Variants in CHL1 observed in about 807,000 individuals in gnomAD.
The protein encoded by CHL1 is cell adhesion molecule L1 like, also known as neural cell adhesion molecule L1-like protein.
CHL1 carries 96 observed loss-of-function variants against 141.9 expected under a neutral mutation model. That is an observed-to-expected ratio of 0.68 (90% CI 0.57 to 0.80). The LOEUF is 0.80. Ranked by LOEUF, CHL1 falls within the 30% of genes least tolerant of loss-of-function variation. CHL1 has a pLI of 0.00. For missense variants in CHL1, 1,820 were observed against 1,457.2 expected (o/e 1.25, Z -4.05); for synonymous variants, 613 against 502.2 (o/e 1.22, Z -2.95).
intron 1 of CHL1, among the ~76,000 whole-genome samples, chr3:232,266 C>T (rs752017165): frequency 3.3e-5 from 5 of 152,070 alleles, no homozygotes; most frequent in East Asian, 1.9e-4. Context: ...TTTTGTATAT[C>T]GGTGTGTTTG....
In CHL1 at chr3:361,744, C is replaced by G. The variant is rs150474777; in HGVS notation, c.1352C>G (p.Thr451Arg). 11 of 1,613,424 alleles carry G rather than the reference C, an allele frequency of 6.8e-6. No individual in the cohort carries two copies. Among genetic ancestry groups the G allele is most frequent in the African/African-American group, 1.3e-5 (1 of 74,886 alleles). Residue 451 changes from threonine (T) to arginine (R), a missense_variant, in exon 13 of 28, where the codon ACA (threonine) becomes AGA (arginine). Thr to Arg is a moderately conservative substitution (Grantham distance 71, BLOSUM62 -1). Coordinates refer to ENST00000256509, the MANE Select transcript of CHL1 (RefSeq NM_006614.4). ...ACCAAAGATGGAGAAAATTACGCTA[C>G]AGTGGTTGGGTACAGTGCTTTCTTA... ...IQTKDGENYATVVGYSAFLHC... is the reference protein window; with the variant it reads ...IQTKDGENYARVVGYSAFLHC...
chr3:200,427 A>G (rs893069680), intron 1 of CHL1, among the ~76,000 whole-genome samples: 3 of 152,204 alleles, frequency 2.0e-5, no homozygotes, highest in African/African-American at 4.8e-5. Context: ...GTGATGTACT[A>G]TATTATCTGA....
intron 2 of CHL1, among the ~76,000 whole-genome samples, chr3:268,011 C>T (rs1173281236): frequency 6.6e-6 from 1 of 152,172 alleles, no homozygotes; most frequent in African/African-American, 2.4e-5. Flanking sequence ...TTTCATTTCA[C>T]AGCTGCTAAT....
At chr3:392,067 T>C (rs1184379636) in intron 23 of CHL1, among the ~76,000 whole-genome samples, 2 of 152,112 alleles carry the variant, frequency 1.3e-5, no homozygotes, top group South Asian at 4.1e-4. Context: ...CAAAGTTGAG[T>C]CATCTCAATG....
At chr3:311,361 C>A (rs1371904723) in intron 2 of CHL1, among the ~76,000 whole-genome samples, 2 of 147,612 alleles carry the variant, frequency 1.4e-5, no homozygotes, top group African/African-American at 5.1e-5. Context: ...ATTGACCACA[C>A]AACTTTTTTT....
intron 5 of CHL1, among the ~76,000 whole-genome samples, chr3:335,976 G>A (rs967261095): frequency 6.6e-6 from 1 of 152,164 alleles, no homozygotes; most frequent in Non-Finnish European, 1.5e-5. Context: ...TATTTTAATC[G>A]ATTCATGTGA....
chr3:242,341 A>G (rs71306195), intron 1 of CHL1, among the ~76,000 whole-genome samples: 1 of 149,318 alleles, frequency 6.7e-6, no homozygotes, highest in East Asian at 2.0e-4. Flanking sequence ...TCACGCCTGT[A>G]ATCCCAGCAC....
chr3:315,737 C>A (rs1700108255), intron 2 of CHL1, among the ~76,000 whole-genome samples: 2 of 152,062 alleles, frequency 1.3e-5, no homozygotes, highest in African/African-American at 4.8e-5. Context: ...CTGAGGGAGT[C>A]AGGAAGGTTC....
chr3:236,827 C>A lies in CHL1; in HGVS notation c.-174-7786C>A, dbSNP rs546382055. Reference sequence around the variant, plus strand: ...CTCTTAAATAATGTAGTGCCTTTCTCTGTACCTCCTTCAGTCCCATTATTA... The same window carrying A: ...CTCTTAAATAATGTAGTGCCTTTCTATGTACCTCCTTCAGTCCCATTATTA... On this transcript the variant is annotated intron_variant, in intron 1 of 27. Coordinates refer to ENST00000256509, the MANE Select transcript of CHL1 (RefSeq NM_006614.4). Among the ~76,000 whole-genome samples the A allele has an allele frequency of 3.4e-5, 5 of 145,394 alleles. No individual in the cohort carries two copies. The South Asian group carries it at 1.0e-3, about 30-fold the overall frequency.
intron 18 of CHL1, among the ~76,000 whole-genome samples, chr3:383,423 C>G (rs1707297107): frequency 1.3e-5 from 2 of 151,946 alleles, no homozygotes; most frequent in South Asian, 4.1e-4. Flanking sequence ...CTTCTACAGG[C>G]AAATATTCAC....
At chr3:275,367 A>G (rs1296254337) in intron 2 of CHL1, among the ~76,000 whole-genome samples, 1 of 152,250 alleles carries the variant, frequency 6.6e-6, no homozygotes, top group Non-Finnish European at 1.5e-5. Context: ...GCAGGACAGT[A>G]GCAAACATCT....
chr3:351,472 T>C (rs1360943828), intron 10 of CHL1, among the ~76,000 whole-genome samples: 2 of 152,164 alleles, frequency 1.3e-5, no homozygotes, highest in African/African-American at 4.8e-5. Flanking sequence ...AGTGTGGAGG[T>C]AATAAATAAA....
chr3:382,332 T>A, intron 17 of CHL1, 52 bp downstream of exon 17: 1 of 1,533,998 alleles, frequency 6.5e-7, no homozygotes, highest in Non-Finnish European at 9.0e-7. Context: ...TCAAAATTAA[T>A]AGCGAAGTCA....
chr3:279,016 T>G (rs1040585405), intron 2 of CHL1, among the ~76,000 whole-genome samples: 1 of 152,192 alleles, frequency 6.6e-6, no homozygotes, highest in Admixed American at 6.5e-5. Context: ...ATCTTAGTAT[T>G]CTAATGGGGA....
At chr3:325,840 A>G (rs1347548665) in intron 3 of CHL1, 119 bp from the exon 4 acceptor site, 1 of 571,642 alleles carries the variant, frequency 1.7e-6, no homozygotes, top group African/African-American at 1.9e-5. Flanking sequence ...TCTGATTTTC[A>G]CTTTTGTATC....
At chr3:225,187 A>G (rs1251416410) in intron 1 of CHL1, among the ~76,000 whole-genome samples, 1 of 152,200 alleles carries the variant, frequency 6.6e-6, no homozygotes, top group Non-Finnish European at 1.5e-5. Flanking sequence ...AGATTATGTT[A>G]ATGAATCTTT....
At chr3:369,857 A>G (rs1258796188) in intron 15 of CHL1, among the ~76,000 whole-genome samples, 4 of 152,326 alleles carry the variant, frequency 2.6e-5, no homozygotes, top group African/African-American at 4.8e-5. Context: ...TGAGATAATC[A>G]TGTGGATTTT....
At chr3:330,216 G>T (rs1459312980) in intron 5 of CHL1, among the ~76,000 whole-genome samples, 2 of 152,014 alleles carry the variant, frequency 1.3e-5, no homozygotes, top group African/African-American at 4.8e-5. Flanking sequence ...TGAAAACTAA[G>T]AAATACATTT....
chr3:266,421 G>C (rs928215069), intron 2 of CHL1, among the ~76,000 whole-genome samples: 1 of 152,170 alleles, frequency 6.6e-6, no homozygotes, highest in African/African-American at 2.4e-5. Context: ...CATTTTGAAG[G>C]TCTGGCTGCA....
Sources: gnomAD v4.1 joint callset for allele counts (sites outside exome capture counted in the v4.1 genomes callset) on GRCh38, gnomAD v4.1.1 for gene constraint, MANE v1.5 for transcripts, NCBI Gene and HGNC (gene_info 2026-07-23, HGNC 2026-07-21) for gene names.